ENPP2: variants seen among roughly 807,000 people sequenced by gnomAD.
ENPP2 encodes the protein autotaxin.
ENPP2 carries 51 observed loss-of-function variants against 120.2 expected under a neutral mutation model. The ratio of observed to expected loss-of-function variants is 0.42; its 90% CI spans 0.34 to 0.54. ENPP2 has a LOEUF of 0.54. Ranked by LOEUF, ENPP2 falls within the 20% of genes least tolerant of loss-of-function variation. The pLI is 0.04. For missense variants in ENPP2, 920 were observed against 1,066.5 expected (o/e 0.86, Z 1.91); for synonymous variants, 365 against 366.4 (o/e 1.00, Z 0.04).
chr8:119,661,766 G>C (rs111987816), intron 1 of ENPP2, among the ~76,000 whole-genome samples: 2,836 of 152,194 alleles, frequency 0.019, 84 homozygotes, highest in African/African-American at 0.065. Context: ...ATGGAATCAA[G>C]TTAAGTGTCC....
chr8:119,579,284 G>GA (rs371493796), intron 19 of ENPP2, among the ~76,000 whole-genome samples: 27 of 152,142 alleles, frequency 1.8e-4, no homozygotes, highest in African/African-American at 5.8e-4. Flanking sequence ...AGTCCCCGTG[G>GA]AAAAAATGTA....
At chr8:119,590,995 TA>T (rs58061193) in intron 12 of ENPP2, among the ~76,000 whole-genome samples, 2,862 of 109,944 alleles carry the variant, frequency 0.026, 147 homozygotes, top group Admixed American at 0.14. Flanking sequence ...ATCTATTCTT[TA>T]AAAAAAAAAA....
intron 24 of ENPP2, 146 bp downstream of exon 24, chr8:119,562,711 C>A: frequency 1.4e-6 from 1 of 740,410 alleles, no homozygotes; most frequent in Non-Finnish European, 2.1e-6. Flanking sequence ...ACATGTTAAG[C>A]AAAGTTCTGT....
intron 15 of ENPP2, among the ~76,000 whole-genome samples, chr8:119,584,981 T>A (rs1813004516): frequency 6.6e-6 from 1 of 152,220 alleles, no homozygotes; most frequent in Admixed American, 6.5e-5. Flanking sequence ...ATTTAAAAGA[T>A]GCATTGTTAA....
chr8:119,619,300 C>A lies in ENPP2; in HGVS notation c.423G>T (p.Glu141Asp), dbSNP rs1381695827. 3 of 1,608,948 alleles carry A rather than the reference C, an allele frequency of 1.9e-6. No homozygotes were observed. Among genetic ancestry groups the A allele is most frequent in the African/African-American group, 2.7e-5 (2 of 74,722 alleles). ...CTNYQVVCKG[E>D]SHWVDDDCEE... ...CACAGTCATCATCAACCCAATGCGA[C>A]TCTCCTATAAGGAAAAATGGGTAAA... The change falls in exon 5 of 25, where the codon GAG becomes GAT. Residue 141 changes from glutamate (E) to aspartate (D), a missense_variant. Glu to Asp is a conservative substitution (Grantham distance 45). Coordinates refer to ENST00000075322, the MANE Select transcript of ENPP2 (RefSeq NM_001040092.3).
chr8:119,558,652 G>A (rs1813668940), intron 24 of ENPP2, among the ~76,000 whole-genome samples: 1 of 152,110 alleles, frequency 6.6e-6, no homozygotes, highest in Non-Finnish European at 1.5e-5. Flanking sequence ...GGAAGTTGAG[G>A]GAAAGAGTGA....
chr8:119,582,342 C>T, intron 18 of ENPP2, 76 bp downstream of exon 18: 2 of 1,141,710 alleles, frequency 1.8e-6, no homozygotes, highest in Non-Finnish European at 2.6e-6. Context: ...TGTCCATTGT[C>T]ACAGAAAGTT....
chr8:119,608,028 A>G (rs1372096866), intron 8 of ENPP2, 51 bp from the exon 9 acceptor site: 1 of 1,335,492 alleles, frequency 7.5e-7, no homozygotes. Context: ...TTTTTGTCAA[A>G]GAAGAAAAAG....
chr8:119,564,545 G>A (rs1179353206), intron 23 of ENPP2, among the ~76,000 whole-genome samples: 8 of 151,972 alleles, frequency 5.3e-5, no homozygotes, highest in Admixed American at 3.3e-4. Context: ...GGATGTGGTG[G>A]TGCATGCCTG....
At chr8:119,606,089 G>T (rs1322734950) in intron 9 of ENPP2, among the ~76,000 whole-genome samples, 1 of 152,100 alleles carries the variant, frequency 6.6e-6, no homozygotes, top group Non-Finnish European at 1.5e-5. Flanking sequence ...TAAGTTTTCA[G>T]AATATACACT....
At chr8:119,649,617 A>G (rs1817572525) in intron 1 of ENPP2, among the ~76,000 whole-genome samples, 1 of 152,210 alleles carries the variant, frequency 6.6e-6, no homozygotes, top group Non-Finnish European at 1.5e-5. Context: ...AAGTGAAACG[A>G]TGACCTACGG....
intron 24 of ENPP2, among the ~76,000 whole-genome samples, chr8:119,559,930 C>T (rs1011383838): frequency 6.6e-6 from 1 of 152,124 alleles, no homozygotes; most frequent in Non-Finnish European, 1.5e-5. Context: ...ATGCTGGCCA[C>T]GAACTCTACA....
chr8:119,640,218 G>A (rs1368735266), upstream of ENPP2, among the ~76,000 whole-genome samples: 1 of 152,124 alleles, frequency 6.6e-6, no homozygotes, highest in Non-Finnish European at 1.5e-5. Context: ...GTTTTGCACT[G>A]TTGCAAAGAG....
chr8:119,590,170 A>G (rs578064708), intron 13 of ENPP2, among the ~76,000 whole-genome samples: 47 of 152,316 alleles, frequency 3.1e-4, no homozygotes, highest in Non-Finnish European at 5.1e-4. Context: ...TATCTTATAA[A>G]CTTCTGTTTA....
rs553012985 is a variant in ENPP2 at position 119,662,803 on chromosome 8, T to C, written c.21+10449A>G. On this transcript the variant is annotated intron_variant, in intron 1 of 25. Coordinates refer to the ENPP2 transcript ENST00000427067. ...CATGGGCTTTGCATGACCCCTAGAA[T>C]CTAAGTCATTGAAAACGGGTAGTAT... Among the ~76,000 whole-genome samples the C allele has an allele frequency of 5.9e-5, 9 of 152,100 alleles. 2 individuals are homozygous for C. In the South Asian group the frequency reaches 1.7e-3, roughly 28 times the overall value.
chr8:119,639,986 C>A (rs1013535712), upstream of ENPP2, among the ~76,000 whole-genome samples: 2 of 152,112 alleles, frequency 1.3e-5, no homozygotes, highest in South Asian at 2.1e-4. Flanking sequence ...CACATGTGTT[C>A]GTGCGTAAAC....
At chr8:119,626,976 C>T (rs1272471414) in intron 2 of ENPP2, among the ~76,000 whole-genome samples, 2 of 152,120 alleles carry the variant, frequency 1.3e-5, no homozygotes, top group Admixed American at 6.5e-5. Context: ...CCATGTAAAA[C>T]ACTTAGCCGC....
intron 11 of ENPP2, among the ~76,000 whole-genome samples, chr8:119,597,460 G>A (rs982868180): frequency 2.0e-5 from 3 of 152,140 alleles, no homozygotes; most frequent in Non-Finnish European, 4.4e-5. Flanking sequence ...TATATCGCAT[G>A]TATTTCCTTC....
intron 8 of ENPP2, among the ~76,000 whole-genome samples, chr8:119,613,032 C>T (rs1041346833): frequency 3.3e-5 from 5 of 152,148 alleles, no homozygotes; most frequent in Admixed American, 1.3e-4. Context: ...TAGTCAACTC[C>T]TAGGAATCCC....
Sources: allele counts gnomAD v4.1 joint callset (sites outside exome capture counted in the v4.1 genomes callset), GRCh38; gene constraint gnomAD v4.1.1; transcripts MANE v1.5; gene names NCBI Gene and HGNC (gene_info 2026-07-23, HGNC 2026-07-21).